CNTNAP2: variants seen among roughly 807,000 people sequenced by gnomAD.
CNTNAP2 encodes the protein contactin associated protein 2, also known as contactin-associated protein-like 2.
Under a neutral mutation model 155.2 loss-of-function variants are expected in CNTNAP2, and 98 were observed. The observed-to-expected ratio is 0.63, with a 90% CI of 0.54 to 0.75. The LOEUF is 0.75. CNTNAP2 is among the 30% of genes least tolerant of loss of function. CNTNAP2 has a pLI of 0.00. For missense variants in CNTNAP2, 1,727 were observed against 1,688.1 expected (o/e 1.02, Z -0.40); for synonymous variants, 651 against 631.2 (o/e 1.03, Z -0.47).
At chr7:146,808,823 T>C (rs1156595881) in intron 2 of CNTNAP2, among the ~76,000 whole-genome samples, 2 of 152,200 alleles carry the variant, frequency 1.3e-5, no homozygotes, top group Non-Finnish European at 2.9e-5. Context: ...TTTATCAAGC[T>C]TATATTCATA....
chr7:148,195,882 C>A (rs1375959899), intron 18 of CNTNAP2, among the ~76,000 whole-genome samples: 1 of 151,670 alleles, frequency 6.6e-6, no homozygotes, highest in East Asian at 1.9e-4. Flanking sequence ...CAATAAAGAC[C>A]GTGGAAAGAA....
rs181993486 is a variant in CNTNAP2, at chr7:146,871,932, A to C, written c.402+32028A>C. Among the ~76,000 whole-genome samples, 903 of 152,252 alleles carry C rather than the reference A, an allele frequency of 5.9e-3. 11 individuals are homozygous for C. The highest frequency in any genetic ancestry group is 0.021 in the African/African-American group (876 of 41,564). On this transcript the variant is annotated intron_variant, in intron 3 of 23. Coordinates refer to ENST00000361727, the MANE Select transcript of CNTNAP2 (RefSeq NM_014141.6). Reference sequence around the variant, plus strand: ...GATACATCACATATTGCTATTCTCCAAAGATTTCCTTCCTAATTATGTTTT... The same window carrying C: ...GATACATCACATATTGCTATTCTCCCAAGATTTCCTTCCTAATTATGTTTT...
chr7:148,286,391 C>G (rs1797083162), intron 21 of CNTNAP2, among the ~76,000 whole-genome samples: 1 of 152,090 alleles, frequency 6.6e-6, no homozygotes, highest in South Asian at 2.1e-4. Context: ...CCTGGGCTCC[C>G]TATACACAGA....
intron 14 of CNTNAP2, among the ~76,000 whole-genome samples, chr7:147,975,637 C>T (rs1801415964): frequency 6.6e-6 from 1 of 152,116 alleles, no homozygotes; most frequent in Admixed American, 6.6e-5. Context: ...CTATGTAATG[C>T]ACAGTAAATT....
At chr7:147,468,803 A>G (rs1798162537) in intron 10 of CNTNAP2, among the ~76,000 whole-genome samples, 2 of 151,568 alleles carry the variant, frequency 1.3e-5, no homozygotes, top group African/African-American at 4.9e-5. Flanking sequence ...CAGGATGGAA[A>G]CTGCCTTATT....
At chr7:147,752,376 C>T (rs972451793) in intron 13 of CNTNAP2, among the ~76,000 whole-genome samples, 5 of 151,992 alleles carry the variant, frequency 3.3e-5, no homozygotes, top group Admixed American at 3.3e-4. Flanking sequence ...TAAGATAAAG[C>T]ACTCCCATTA....
chr7:147,337,315 G>A (rs1209721862), intron 9 of CNTNAP2, among the ~76,000 whole-genome samples: 1 of 152,018 alleles, frequency 6.6e-6, no homozygotes, highest in East Asian at 1.9e-4. Flanking sequence ...GCCCCCCAAA[G>A]CACATACTGC....
chr7:147,482,349 T>C (rs1276523215), intron 10 of CNTNAP2, among the ~76,000 whole-genome samples: 1 of 152,160 alleles, frequency 6.6e-6, no homozygotes, highest in African/African-American at 2.4e-5. Context: ...TTGAACAAGT[T>C]GGTTAGGAAA....
intron 1 of CNTNAP2, among the ~76,000 whole-genome samples, chr7:146,370,700 C>T (rs900442673): frequency 6.6e-6 from 1 of 151,950 alleles, no homozygotes; most frequent in Non-Finnish European, 1.5e-5. Flanking sequence ...ATCAGCGTGC[C>T]TTGTTCCAAA....
chr7:147,627,407 T>A (rs1259979726), intron 12 of CNTNAP2, among the ~76,000 whole-genome samples: 2 of 151,944 alleles, frequency 1.3e-5, no homozygotes, highest in Non-Finnish European at 2.9e-5. Context: ...CTTAAAGATA[T>A]TAAAACAAGG....
intron 11 of CNTNAP2, among the ~76,000 whole-genome samples, chr7:147,512,759 TG>T (rs1190813416): frequency 2.6e-5 from 4 of 152,290 alleles, no homozygotes; most frequent in South Asian, 4.1e-4. Flanking sequence ...TTTTTAGAAT[TG>T]TATAGCAAGC....
intron 10 of CNTNAP2, among the ~76,000 whole-genome samples, chr7:147,414,432 TA>T (rs55692955): frequency 0.036 from 4,394 of 121,888 alleles, 175 homozygotes; most frequent in African/African-American, 0.1. Flanking sequence ...TCAAAAACAT[TA>T]AAAAAAAAAA....
In CNTNAP2 at chr7:146,721,815, T is replaced by C. The variant is rs866193393; in HGVS notation, c.98-52456T>C. Among the ~76,000 whole-genome samples, 322 of 116,138 alleles carry C rather than the reference T, an allele frequency of 2.8e-3. 1 individual carries two copies. The highest frequency in any genetic ancestry group is 0.013 in the East Asian group (48 of 3,834). 76.2% of individuals were successfully genotyped at this position (116,138 alleles called of 152,430 possible). On this transcript the variant is annotated intron_variant, in intron 1 of 23. Coordinates refer to ENST00000361727, the MANE Select transcript of CNTNAP2 (RefSeq NM_014141.6). ...ACATATATAGACTATATATAGTCTA[T>C]ATATGTAGACTATATATAGTCTATA...
intron 9 of CNTNAP2, among the ~76,000 whole-genome samples, chr7:147,309,568 G>T (rs2692177): frequency 4.0e-5 from 6 of 150,996 alleles, no homozygotes; most frequent in Admixed American, 2.6e-4. Flanking sequence ...CACTTTTTTC[G>T]TAGAGGAGTT....
chr7:146,587,023 G>A (rs78539654), intron 1 of CNTNAP2, among the ~76,000 whole-genome samples: 2,402 of 137,972 alleles, frequency 0.017, 28 homozygotes, highest in Middle Eastern at 0.025. Context: ...CCAAACATGA[G>A]CATTGTTTTA....
chr7:147,951,555 T>G (rs1267626638), intron 14 of CNTNAP2, among the ~76,000 whole-genome samples: 1 of 152,182 alleles, frequency 6.6e-6, no homozygotes, highest in African/African-American at 2.4e-5. Flanking sequence ...AAATGAACGT[T>G]GTGGTTTGGG....
chr7:148,282,610 A>T (rs1434740821), intron 21 of CNTNAP2, among the ~76,000 whole-genome samples: 1 of 152,180 alleles, frequency 6.6e-6, no homozygotes, highest in Non-Finnish European at 1.5e-5. Context: ...AGAATGGCTG[A>T]CTCCAATCCT....
At chr7:147,312,214 G>C (rs115727546) in intron 9 of CNTNAP2, among the ~76,000 whole-genome samples, 33,857 of 151,602 alleles carry the variant, frequency 0.22, 4,052 homozygotes, top group Middle Eastern at 0.29. Context: ...TGTTTCTCAA[G>C]TAATGAAAAA....
At chr7:146,247,781 A>C (rs1799686296) in intron 1 of CNTNAP2, among the ~76,000 whole-genome samples, 1 of 152,172 alleles carries the variant, frequency 6.6e-6, no homozygotes, top group African/African-American at 2.4e-5. Context: ...AGAGGTTTTA[A>C]GTTCTTAATA....
Sources: gnomAD v4.1 joint callset for allele counts (sites outside exome capture counted in the v4.1 genomes callset) on GRCh38, gnomAD v4.1.1 for gene constraint, MANE v1.5 for transcripts, NCBI Gene and HGNC (gene_info 2026-07-23, HGNC 2026-07-21) for gene names.